Variants in SMARCC1 observed in about 807,000 individuals in gnomAD.
The protein encoded by SMARCC1 is SWI/SNF related BAF chromatin remodeling complex subunit C1.
Under a neutral mutation model 147.4 loss-of-function variants are expected in SMARCC1, and 43 were observed. That is an observed-to-expected ratio of 0.29 (90% CI 0.23 to 0.38). The LOEUF is 0.38. Ranked by LOEUF, SMARCC1 falls within the 10% of genes least tolerant of loss-of-function variation. SMARCC1 has a pLI of 1.00. For synonymous variants in SMARCC1, 495 were observed against 484.4 expected (o/e 1.02, Z -0.29); for missense variants, 1,119 against 1,381.1 (o/e 0.81, Z 3.01).
chr3:47,695,594 C>T (rs1265737448), intron 11 of SMARCC1, among the ~76,000 whole-genome samples: 1 of 151,502 alleles, frequency 6.6e-6, no homozygotes, highest in Non-Finnish European at 1.5e-5. Context: ...TGGTGAAACC[C>T]TGTCTCTACT....
intron 19 of SMARCC1, among the ~76,000 whole-genome samples, chr3:47,665,531 G>GT (rs1288975400): frequency 6.6e-6 from 1 of 151,948 alleles, no homozygotes; most frequent in Non-Finnish European, 1.5e-5. Context: ...AGTTCATCAA[G>GT]TTTTTTTCCA....
intron 11 of SMARCC1, among the ~76,000 whole-genome samples, chr3:47,698,005 CAAAAAAAAAAAAA>C (rs71070213): frequency 8.8e-4 from 11 of 12,492 alleles, no homozygotes; most frequent in Admixed American, 5.8e-3. Context: ...GCCTCCGCCT[CAAAAAAAAAAAAA>C]AAAAAAAAAA....
At position 47,588,046 on chromosome 3, in the gene SMARCC1, C is replaced by CAG; in HGVS notation, c.*161_*162dup. The CAG allele has an allele frequency of 1.7e-6, 1 of 602,018 alleles. No individual in the cohort carries two copies. The highest frequency in any genetic ancestry group is 2.0e-5 in the South Asian group (1 of 50,270). The allele number at this position is 602,018 out of a possible 1,614,324, so 37.3% of individuals were successfully genotyped here. ...GCTGAGGACCCAACACAAAAAGTGT[C>CAG]AGAGAGAGGGGTGGTAAGAGGAGTG... On this transcript the variant is annotated 3_prime_UTR_variant, in exon 28 of 28. Coordinates refer to ENST00000254480, the MANE Select transcript of SMARCC1 (RefSeq NM_003074.4).
At chr3:47,590,944 C>A (rs1421042595) in intron 26 of SMARCC1, 107 bp from the exon 27 acceptor site, 2 of 941,226 alleles carry the variant, frequency 2.1e-6, no homozygotes, top group Admixed American at 5.3e-5. Flanking sequence ...TCCAAAGGAT[C>A]TGAAATATCA....
intron 24 of SMARCC1, among the ~76,000 whole-genome samples, chr3:47,624,041 C>A (rs2032772915): frequency 6.6e-6 from 1 of 152,040 alleles, no homozygotes; most frequent in African/African-American, 2.4e-5. Flanking sequence ...GTAATCTCAG[C>A]ACTTTTGGGA....
chr3:47,638,012 A>C (rs541652363), intron 22 of SMARCC1, among the ~76,000 whole-genome samples: 17 of 152,170 alleles, frequency 1.1e-4, no homozygotes, highest in Non-Finnish European at 2.2e-4. Flanking sequence ...CTCATAGGAA[A>C]TCACTTACTA....
intron 12 of SMARCC1, among the ~76,000 whole-genome samples, chr3:47,691,999 A>C (rs2033796262): frequency 6.6e-6 from 1 of 152,200 alleles, no homozygotes; most frequent in Admixed American, 6.5e-5. Context: ...GCTCCGTCTC[A>C]AAAAATAATA....
chr3:47,774,467 G>C (rs1035234095), intron 1 of SMARCC1, among the ~76,000 whole-genome samples: 1 of 151,910 alleles, frequency 6.6e-6, no homozygotes, highest in African/African-American at 2.4e-5. Context: ...ACCCAGGCTG[G>C]AGCACAGTGG....
intron 3 of SMARCC1, among the ~76,000 whole-genome samples, chr3:47,742,466 A>T (rs2034519749): frequency 6.6e-6 from 1 of 152,180 alleles, no homozygotes; most frequent in Non-Finnish European, 1.5e-5. Context: ...GTTACATATA[A>T]CTATACTTCA....
At chr3:47,732,837 C>T (rs1281352607) in intron 5 of SMARCC1, among the ~76,000 whole-genome samples, 2 of 152,106 alleles carry the variant, frequency 1.3e-5, no homozygotes, top group East Asian at 1.9e-4. Flanking sequence ...AAGCCAGGCG[C>T]GGTGGCTCAC....
chr3:47,589,059 C>A (rs2032131767), intron 27 of SMARCC1, among the ~76,000 whole-genome samples: 1 of 152,192 alleles, frequency 6.6e-6, no homozygotes, highest in Admixed American at 6.5e-5. Context: ...CAGCATTGCT[C>A]ACCAATCAAT....
At position 47,661,321 on chromosome 3, in the gene SMARCC1, T is replaced by C; in HGVS notation, c.2293A>G (p.Thr765Ala). 1 of 1,613,326 alleles carries C rather than the reference T, an allele frequency of 6.2e-7. No individual in the cohort carries two copies. Among genetic ancestry groups the C allele is most frequent in the Non-Finnish European group, 8.5e-7 (1 of 1,179,784 alleles). The part of the protein sequence containing the change: ...YGLESSCIAG[T>A]GPDEPEKLEG... ...AGCTTCTCTGGCTCATCGGGCCCTG[T>C]GCCTGCAATGCAGCTGCTCTCCAGA... The change falls in exon 21 of 28, where the codon ACA becomes GCA. Residue 765 changes from threonine to alanine, a missense_variant. Physicochemically the swap from Thr to Ala is moderately conservative, Grantham distance 58 (BLOSUM62 0). Around this residue, in one of 6 missense-constraint regions of SMARCC1, gnomAD observed 157 missense variants for 158.6 expected, o/e 0.99. Transcript: ENST00000254480.
intron 3 of SMARCC1, among the ~76,000 whole-genome samples, chr3:47,739,973 T>C (rs1475420551): frequency 1.3e-5 from 2 of 151,992 alleles, no homozygotes; most frequent in Non-Finnish European, 2.9e-5. Flanking sequence ...GCTTCCTGGA[T>C]TCAAGCGATT....
intron 5 of SMARCC1, among the ~76,000 whole-genome samples, chr3:47,733,794 G>A (rs1177209096): frequency 6.6e-6 from 1 of 150,466 alleles, no homozygotes; most frequent in Non-Finnish European, 1.5e-5. Context: ...AACCCAGGAG[G>A]CAGAGCTTGC....
rs1020102377 is a variant in SMARCC1, at chr3:47,738,072, C to T, written c.440G>A (p.Arg147His). ...FDLQNPSRMD[R>H]NVEMFMNIEK... is the part of the protein sequence containing the mutation. Reference sequence around the variant, plus strand: ...AATGTTCATAAACATTTCCACATTACGATCCATTCGAGATGGGTTCTGTAG... The same window carrying T: ...AATGTTCATAAACATTTCCACATTATGATCCATTCGAGATGGGTTCTGTAG... The change falls in exon 4 of 28, where the codon CGT (arginine) becomes CAT (histidine). Residue 147 changes from arginine to histidine, a missense_variant. Transcript: ENST00000254480. The T allele has an allele frequency of 5.0e-6, 8 of 1,598,040 alleles. No homozygotes were observed. Among genetic ancestry groups the T allele is most frequent in the African/African-American group, 1.4e-5 (1 of 73,736 alleles).
At chr3:47,700,800 C>G (rs184510469) in intron 11 of SMARCC1, among the ~76,000 whole-genome samples, 27 of 152,286 alleles carry the variant, frequency 1.8e-4, no homozygotes, top group Admixed American at 5.9e-4. Context: ...GCTGGGGTTA[C>G]AGGTATAAGC....
At chr3:47,713,603 T>C (rs2034117979) in intron 8 of SMARCC1, among the ~76,000 whole-genome samples, 1 of 151,968 alleles carries the variant, frequency 6.6e-6, no homozygotes, top group Non-Finnish European at 1.5e-5. Flanking sequence ...GATAATTTTT[T>C]TTTTTTGGTA....
rs1410290725 is a variant in SMARCC1, at chr3:47,777,615, C to A, written c.195+3988G>T. Among the ~76,000 whole-genome samples, 4 of 152,040 alleles carry A rather than the reference C, an allele frequency of 2.6e-5. No homozygotes were observed. In the East Asian group the frequency reaches 6.0e-4, roughly 23 times the overall value. ...CGATCTCAGCTCACTACAACCTCCACCTCCCAGGTTTGAGTGATTCTCCTG... is the reference window on the plus strand; with the variant it reads ...CGATCTCAGCTCACTACAACCTCCAACTCCCAGGTTTGAGTGATTCTCCTG... On this transcript the variant is annotated intron_variant, in intron 1 of 27. Transcript: ENST00000254480.
chr3:47,736,221 T>C (rs1162828774), intron 4 of SMARCC1, 95 bp from the exon 5 acceptor site: 4 of 653,094 alleles, frequency 6.1e-6, no homozygotes, highest in African/African-American at 3.9e-5. Context: ...GATAACCTTT[T>C]CTGCCACAAA....
Sources: gnomAD v4.1 joint callset for allele counts (sites outside exome capture counted in the v4.1 genomes callset) on GRCh38, gnomAD v4.1.1 for gene constraint, gnomAD v4.1.1 regional missense constraint, MANE v1.5 for transcripts, NCBI Gene and HGNC (gene_info 2026-07-23, HGNC 2026-07-21) for gene names.